SDCBP: variants seen among roughly 807,000 people sequenced by gnomAD.
SDCBP encodes syndecan binding protein, also known as syntenin-1.
SDCBP carries 22 observed loss-of-function variants against 30.5 expected under a neutral mutation model. The observed-to-expected ratio is 0.72, with a 90% CI of 0.52 to 1.03. The LOEUF (loss-of-function observed/expected upper bound fraction) is 1.03. SDCBP is among the 50% of genes least tolerant of loss of function. SDCBP has a pLI of 0.00. For synonymous variants in SDCBP, 103 were observed against 118.7 expected, an observed-to-expected ratio of 0.87 and a Z score of 0.86; for missense variants, 304 against 369.9, an observed-to-expected ratio of 0.82 and a Z score of 1.46.
intron 1 of SDCBP, among the ~76,000 whole-genome samples, chr8:58,554,436 G>C (rs1429617435): frequency 6.6e-6 from 1 of 152,100 alleles, no homozygotes; most frequent in Non-Finnish European, 1.5e-5. Flanking sequence ...TATAAAATTT[G>C]TGCCTTAAAT....
At chr8:58,573,081 T>C (rs1381699524) in intron 4 of SDCBP, among the ~76,000 whole-genome samples, 1 of 152,190 alleles carries the variant, frequency 6.6e-6, no homozygotes, top group Non-Finnish European at 1.5e-5. Context: ...GTGCTGGGAT[T>C]ACAGGCATGA....
At chr8:58,576,125 A>G (rs931982279) in intron 5 of SDCBP, 64 bp downstream of exon 5, 3 of 1,201,530 alleles carry the variant, frequency 2.5e-6, no homozygotes, top group Non-Finnish European at 3.6e-6. Context: ...GATTAATGTT[A>G]AAATAATTTG....
intron 1 of SDCBP, among the ~76,000 whole-genome samples, chr8:58,553,699 G>A (rs964650150): frequency 2.6e-5 from 4 of 152,230 alleles, no homozygotes; most frequent in Non-Finnish European, 4.4e-5. Context: ...ATAAGATCTC[G>A]ACATAAGAAA....
At chr8:58,558,591 G>C (rs570463310) in intron 1 of SDCBP, among the ~76,000 whole-genome samples, 1 of 152,282 alleles carries the variant, frequency 6.6e-6, no homozygotes, top group African/African-American at 2.4e-5. Flanking sequence ...TGATATCTTT[G>C]AGGATGAGGA....
At chr8:58,574,144 C>T (rs917157005) in intron 4 of SDCBP, among the ~76,000 whole-genome samples, 1 of 152,154 alleles carries the variant, frequency 6.6e-6, no homozygotes, top group African/African-American at 2.4e-5. Flanking sequence ...CTCACCCTTT[C>T]TCTAGAAAGG....
chr8:58,573,891 A>T (rs1805178941), intron 4 of SDCBP, among the ~76,000 whole-genome samples: 1 of 152,186 alleles, frequency 6.6e-6, no homozygotes, highest in Non-Finnish European at 1.5e-5. Flanking sequence ...TTTGAATTTC[A>T]TGTGACAACA....
At chr8:58,555,574 C>T (rs1804051942) in intron 1 of SDCBP, among the ~76,000 whole-genome samples, 1 of 152,140 alleles carries the variant, frequency 6.6e-6, no homozygotes, top group East Asian at 1.9e-4. Flanking sequence ...GCCCAGGAAG[C>T]TGTTTTTATA....
chr8:58,560,064 T>C (rs74557820), intron 1 of SDCBP, among the ~76,000 whole-genome samples: 2,191 of 152,238 alleles, frequency 0.014, 63 homozygotes, highest in African/African-American at 0.051. Context: ...TGCGGGGTCA[T>C]TGAAAACAAA....
chr8:58,566,501 G>C (rs1804712902), intron 2 of SDCBP, among the ~76,000 whole-genome samples: 1 of 152,172 alleles, frequency 6.6e-6, no homozygotes, highest in Non-Finnish European at 1.5e-5. Context: ...CCCTCTTTAA[G>C]CAGAAGTGAA....
intron 5 of SDCBP, chr8:58,576,327 A>G (rs1805313074): frequency 3.8e-6 from 1 of 265,996 alleles, no homozygotes; most frequent in African/African-American, 2.2e-5. Context: ...TACATATATT[A>G]TAGTTTGTAT....
At chr8:58,570,866 T>C (rs1804973373) in intron 2 of SDCBP, 21 bp from the exon 3 acceptor site, 1 of 1,581,822 alleles carries the variant, frequency 6.3e-7, no homozygotes, top group Non-Finnish European at 8.7e-7. Flanking sequence ...ATTGTTAGAA[T>C]TTTCTTCTTT....
intron 6 of SDCBP, among the ~76,000 whole-genome samples, chr8:58,578,592 T>A (rs1417542865): frequency 6.6e-6 from 1 of 152,162 alleles, no homozygotes; most frequent in African/African-American, 2.4e-5. Context: ...GTATGGGAGT[T>A]CTGAAAACCG....
At chr8:58,569,875 T>C (rs897513365) in intron 2 of SDCBP, among the ~76,000 whole-genome samples, 1 of 152,160 alleles carries the variant, frequency 6.6e-6, no homozygotes, top group Non-Finnish European at 1.5e-5. Context: ...AAAGGATGAC[T>C]CAACAAGTAT....
At chr8:58,567,466 T>C (rs933208812) in intron 2 of SDCBP, among the ~76,000 whole-genome samples, 1 of 152,224 alleles carries the variant, frequency 6.6e-6, no homozygotes, top group Non-Finnish European at 1.5e-5. Flanking sequence ...CCTCCCCCAG[T>C]ATCAGCATCT....
intron 7 of SDCBP, 91 bp from the exon 8 acceptor site, chr8:58,580,426 T>C: frequency 8.8e-6 from 6 of 685,596 alleles, no homozygotes; most frequent in Admixed American, 2.5e-5. Flanking sequence ...CCAAGACATA[T>C]ATTTTGTATT....
At chr8:58,569,274 C>CA (rs1804888244) in intron 2 of SDCBP, among the ~76,000 whole-genome samples, 1 of 152,218 alleles carries the variant, frequency 6.6e-6, no homozygotes, top group African/African-American at 2.4e-5. Context: ...GACAACATGC[C>CA]ATGTTGGTCA....
intron 7 of SDCBP, among the ~76,000 whole-genome samples, 187 bp from the exon 8 acceptor site, chr8:58,580,330 C>T (rs2129608449): frequency 6.6e-6 from 1 of 152,120 alleles, no homozygotes. Context: ...AAATATTCAA[C>T]TCAGTTTACT....
chr8:58,575,626 G>T (rs1585705338), intron 4 of SDCBP, among the ~76,000 whole-genome samples: 1 of 152,260 alleles, frequency 6.6e-6, no homozygotes, highest in Admixed American at 6.5e-5. Context: ...TTGAGATGAA[G>T]ACAAGCCAGT....
In SDCBP at chr8:58,572,187, T is replaced by G; in HGVS notation, c.131-18T>G. The G allele has an allele frequency of 2.7e-6, 4 of 1,479,416 alleles. No homozygotes were observed. The highest frequency in any genetic ancestry group is 3.8e-6 in the Non-Finnish European group (4 of 1,062,208). 91.6% of individuals were successfully genotyped at this position (1,479,416 alleles called of 1,614,324 possible). A position where few individuals can be genotyped will look rare whatever the true frequency, so the allele number is the denominator to read the frequency against. On this transcript the variant is annotated intron_variant, in intron 3 of 8. Coordinates refer to ENST00000260130, the MANE Select transcript of SDCBP (RefSeq NM_005625.4). ...TGTATTCTGTAAGTGCTTTTTAATT[T>G]ATTCATTTACTTTTTAGATCTCTAT... is the stretch of plus-strand genomic sequence containing the variant.
Sources: gnomAD v4.1 joint callset for allele counts (sites outside exome capture counted in the v4.1 genomes callset) on GRCh38, gnomAD v4.1.1 for gene constraint, MANE v1.5 for transcripts, NCBI Gene and HGNC (gene_info 2026-07-23, HGNC 2026-07-21) for gene names.